The following PHEX variants were observed in gnomAD, a reference collection of about 807,000 sequenced individuals.
PHEX encodes phosphate-regulating neutral endopeptidase PHEX.
PHEX carries 16 observed loss-of-function variants against 68.0 expected under a neutral mutation model. That is an observed-to-expected ratio of 0.24 (90% CI 0.16 to 0.36). The LOEUF (loss-of-function observed/expected upper bound fraction) is 0.36. Ranked by LOEUF, PHEX falls within the 10% of genes least tolerant of loss-of-function variation. PHEX has a pLI of 1.00. For missense variants in PHEX, 480 were observed against 575.5 expected, an observed-to-expected ratio of 0.83 and a Z score of 1.70; for synonymous variants, 208 against 205.1, an observed-to-expected ratio of 1.01 and a Z score of -0.12.
At position 22,058,760 on chromosome X, in the gene PHEX, G is replaced by A. The variant is rs140720577; in HGVS notation, c.349+11549G>A. 2.6e-3 allele frequency among the ~76,000 whole-genome samples: 295 copies of A among 112,184 alleles called. 1 individual carries two copies. Among genetic ancestry groups the A allele is most frequent in the African/African-American group, 9.0e-3 (277 of 30,889 alleles). ...AAAATAAGAATAACTATCCTCTTAC[G>A]CCGCTCTAGAGCTTCTCTGGATGCC... On this transcript the variant is annotated intron_variant, in intron 3 of 21. Transcript: ENST00000379374.
intron 15 of PHEX, among the ~76,000 whole-genome samples, chrX:22,207,004 C>G (rs1411539580): frequency 8.9e-6 from 1 of 111,853 alleles, no homozygotes. Flanking sequence ...GGGGTAATCA[C>G]CCACTGAATG....
chrX:22,127,797 GA>G (rs1334676472), intron 11 of PHEX, among the ~76,000 whole-genome samples: 19 of 107,581 alleles, frequency 1.8e-4, no homozygotes, highest in African/African-American at 4.4e-4. Flanking sequence ...AGGCTCATGG[GA>G]AAAAAAAAGT....
chrX:22,225,756 C>T (rs1345245694), intron 18 of PHEX, among the ~76,000 whole-genome samples: 1 of 112,451 alleles, frequency 8.9e-6, no homozygotes, highest in Non-Finnish European at 1.9e-5. Flanking sequence ...TGTACAAAAA[C>T]AAGCAGCAGG....
At chrX:22,232,170 G>T (rs775531482) in intron 20 of PHEX, among the ~76,000 whole-genome samples, 3 of 111,431 alleles carry the variant, frequency 2.7e-5, no homozygotes, top group Admixed American at 1.9e-4. Flanking sequence ...TTTTGCATTT[G>T]CTGAGAAGTG....
intron 3 of PHEX, among the ~76,000 whole-genome samples, chrX:22,055,735 A>G (rs1432246066): frequency 9.0e-6 from 1 of 111,207 alleles, no homozygotes; most frequent in Non-Finnish European, 1.9e-5. Flanking sequence ...TAATTTTTGT[A>G]TTTTTAGTAG....
intron 13 of PHEX, among the ~76,000 whole-genome samples, chrX:22,173,265 C>T (rs902128396): frequency 8.9e-6 from 1 of 111,925 alleles, no homozygotes; most frequent in Non-Finnish European, 1.9e-5. Context: ...TGCCCCCCAA[C>T]CTTCCAGCCA....
intron 2 of PHEX, among the ~76,000 whole-genome samples, chrX:22,045,654 T>C (rs780474496): frequency 8.9e-6 from 1 of 112,720 alleles, no homozygotes; most frequent in African/African-American, 3.2e-5. Context: ...TGTTAACTTA[T>C]ACACATACTC....
Position 22,226,556 on chromosome X carries a change from C to A in PHEX, c.1965+48C>A, listed in dbSNP as rs749932250. ...TGGTTCTAAAAATCAAGCCATAAAA[C>A]ACCATATGGGGGTACCTCAATTCAT... On this transcript the variant is annotated intron_variant, in intron 19 of 21. Transcript: ENST00000379374. 15 of 944,769 alleles carry A rather than the reference C, an allele frequency of 1.6e-5. No homozygotes were observed. The Admixed American group carries it at 3.3e-4, about 21-fold the overall frequency. The allele number at this position is 944,769 out of a possible 1,213,427, so 77.9% of individuals were successfully genotyped here.
intron 20 of PHEX, among the ~76,000 whole-genome samples, chrX:22,244,760 G>A (rs1211818407): frequency 1.8e-5 from 2 of 111,853 alleles, no homozygotes; most frequent in Admixed American, 1.9e-4. Flanking sequence ...ACTTCTGTCA[G>A]GTTTTAAAGC....
intron 12 of PHEX, among the ~76,000 whole-genome samples, chrX:22,140,500 G>C (rs942080542): frequency 9.2e-6 from 1 of 108,964 alleles, no homozygotes; most frequent in Non-Finnish European, 1.9e-5. Flanking sequence ...TATTTTTTTC[G>C]AGACAGAGTC....
At chrX:22,118,833 T>C (rs1931359378) in intron 11 of PHEX, among the ~76,000 whole-genome samples, 1 of 112,118 alleles carries the variant, frequency 8.9e-6, no homozygotes, top group Non-Finnish European at 1.9e-5. Flanking sequence ...GTTCTCATAC[T>C]CATTCACACA....
chrX:22,146,727 G>T (rs1262311442), intron 12 of PHEX, among the ~76,000 whole-genome samples: 1 of 111,122 alleles, frequency 9.0e-6, no homozygotes, highest in African/African-American at 3.3e-5. Context: ...TGAGGCAGGA[G>T]AATCGCTTGA....
intron 12 of PHEX, among the ~76,000 whole-genome samples, chrX:22,137,949 G>C (rs62589342): frequency 0.012 from 1,331 of 112,191 alleles, 12 homozygotes; most frequent in Non-Finnish European, 0.015. Context: ...CAGTTGATGG[G>C]AGTTGCTGTG....
At chrX:22,183,352 C>A (rs1933937857) in intron 14 of PHEX, among the ~76,000 whole-genome samples, 1 of 111,488 alleles carries the variant, frequency 9.0e-6, no homozygotes, top group Non-Finnish European at 1.9e-5. Flanking sequence ...AGGTTACTGA[C>A]TTTAAGAGGT....
chrX:22,230,592 G>C (rs1341223351), intron 20 of PHEX, among the ~76,000 whole-genome samples: 1 of 110,244 alleles, frequency 9.1e-6, no homozygotes, highest in East Asian at 2.9e-4. Flanking sequence ...TGTGATTGGT[G>C]TATAGGAATG....
chrX:22,242,233 G>T (rs1007166613), intron 20 of PHEX, among the ~76,000 whole-genome samples: 38 of 111,766 alleles, frequency 3.4e-4, no homozygotes, highest in Non-Finnish European at 5.8e-4. Context: ...AACACCCCTT[G>T]ATGCTAAAAA....
intron 5 of PHEX, among the ~76,000 whole-genome samples, chrX:22,089,107 C>T (rs977981341): frequency 4.5e-5 from 5 of 112,199 alleles, no homozygotes; most frequent in Admixed American, 9.4e-5. Context: ...CTGCAACCTC[C>T]GCCTCCTGGG....
chrX:22,219,402 A>G (rs1481354750), intron 17 of PHEX, among the ~76,000 whole-genome samples: 1 of 112,027 alleles, frequency 8.9e-6, no homozygotes, highest in Non-Finnish European at 1.9e-5. Context: ...ACAGAGATTG[A>G]TTTATAGCTT....
At chrX:22,114,196 C>T (rs1279703921) in intron 10 of PHEX, among the ~76,000 whole-genome samples, 2 of 110,330 alleles carry the variant, frequency 1.8e-5, no homozygotes, top group Non-Finnish European at 3.8e-5. Flanking sequence ...GTGATCTGCT[C>T]ACCTGGGCTT....
Sources: gnomAD v4.1 joint callset for allele counts (sites outside exome capture counted in the v4.1 genomes callset) on GRCh38, gnomAD v4.1.1 for gene constraint, MANE v1.5 for transcripts, NCBI Gene and HGNC (gene_info 2026-07-23, HGNC 2026-07-21) for gene names.